Variants in ANXA1 observed in about 807,000 individuals in gnomAD.
ANXA1 encodes annexin I (lipocortin I).
A neutral mutation model predicts 47.9 loss-of-function variants in ANXA1; 39 were observed. The observed-to-expected ratio is 0.81, with a 90% confidence interval of 0.63 to 1.06. ANXA1 has a LOEUF of 1.06. ANXA1 is among the 50% of genes least tolerant of loss of function. The pLI is 0.00. For synonymous variants in ANXA1, 146 were observed against 142.5 expected (o/e 1.02, Z -0.17); for missense variants, 446 against 422.7 (o/e 1.06, Z -0.48).
intron 11 of ANXA1, 70 bp downstream of exon 11, chr9:73,167,625 T>A: frequency 7.1e-7 from 1 of 1,409,434 alleles, no homozygotes; most frequent in Non-Finnish European, 9.8e-7. Context: ...GAAAACCTCA[T>A]GTTGTTTGAA....
intron 1 of ANXA1, among the ~76,000 whole-genome samples, chr9:73,154,929 A>G (rs1824025050): frequency 6.6e-6 from 1 of 152,222 alleles, no homozygotes; most frequent in Admixed American, 6.5e-5. Context: ...TGATAGTTCT[A>G]GATTGTAACC....
intron 5 of ANXA1, 45 bp downstream of exon 5, chr9:73,160,421 AT>A: frequency 3.7e-6 from 5 of 1,341,156 alleles, no homozygotes; most frequent in Non-Finnish European, 5.1e-6. Flanking sequence ...AAGAGGATGT[AT>A]TGGGCAAGTC....
At chr9:73,167,631 T>C in intron 11 of ANXA1, 76 bp downstream of exon 11, 1 of 1,361,010 alleles carries the variant, frequency 7.3e-7, no homozygotes, top group South Asian at 1.3e-5. Context: ...CTCATGTTGT[T>C]TGAAAATCTC....
intron 5 of ANXA1, 42 bp downstream of exon 5, chr9:73,160,418 T>G: frequency 7.3e-7 from 1 of 1,371,880 alleles, no homozygotes; most frequent in Non-Finnish European, 9.9e-7. Context: ...CTCAAGAGGA[T>G]GTATTGGGCA....
chr9:73,161,348 G>T (rs1221731570), intron 6 of ANXA1, among the ~76,000 whole-genome samples: 1 of 151,982 alleles, frequency 6.6e-6, no homozygotes, highest in East Asian at 1.9e-4. Context: ...AAAGAATTAG[G>T]TGCTTATAAT....
rs142511024 is a variant in ANXA1, at chr9:73,158,773, G to A, written c.145G>A (p.Ala49Thr). Residue 49 changes from alanine (A) to threonine (T), a missense_variant, in exon 3 of 13, where the codon GCT becomes ACT. Ala to Thr is a moderately conservative substitution (Grantham distance 58). Transcript: ENST00000257497. ...TACCTTCAATCCATCCTCGGATGTC[G>A]CTGCCTTGCATAAGGCCATAATGGT... Reference protein sequence around the residue: ...YPTFNPSSDVAALHKAIMVKG... With the variant: ...YPTFNPSSDVTALHKAIMVKG... 6 of 1,613,610 alleles carry A rather than the reference G, an allele frequency of 3.7e-6. No homozygotes were observed. The highest frequency in any genetic ancestry group is 1.3e-5 in the African/African-American group (1 of 74,864).
At chr9:73,155,216 A>T (rs2795113) in intron 1 of ANXA1, among the ~76,000 whole-genome samples, 14,230 of 152,296 alleles carry the variant, frequency 0.093, 753 homozygotes, top group East Asian at 0.17. Flanking sequence ...ATAAATGGCC[A>T]ATTTCACCGT....
rs111402904 is a variant in ANXA1, at chr9:73,163,201, G to A, written c.556-275G>A. 5.3e-5 allele frequency among the ~76,000 whole-genome samples: 8 copies of A among 152,132 alleles called. No individual in the cohort carries two copies. In the East Asian group the frequency reaches 1.6e-3, roughly 30 times the overall value. On this transcript the variant is annotated intron_variant, in intron 7 of 12. Transcript: ENST00000257497. Reference sequence around the variant, plus strand: ...GAGCAAGAACTCATTCCCAGTGACGGCATTAATCTCTTCATGAGAGATCAG... The same window carrying A: ...GAGCAAGAACTCATTCCCAGTGACGACATTAATCTCTTCATGAGAGATCAG...
chr9:73,154,184 C>A lies in ANXA1; in HGVS notation c.-15+2260C>A, dbSNP rs1824011770. On this transcript the variant is annotated intron_variant, in intron 1 of 12. Transcript: ENST00000257497. ...TCATGCCATTGTGTAGTCTTAATTG[C>A]TTTCTCTCACCAGGGAAGGTGTGGG... 1.4e-5 allele frequency: 8 copies of A among 583,572 alleles called. No individual in the cohort carries two copies. In the South Asian group the frequency reaches 1.4e-4, roughly 10 times the overall value. 36.1% of individuals were successfully genotyped at this position (583,572 alleles called of 1,614,324 possible).
rs138602190 is a variant in ANXA1 at position 73,165,203 on chromosome 9, C to T, written c.700C>T (p.Arg234Cys). 6.2e-6 allele frequency: 10 copies of T among 1,611,796 alleles called. No homozygotes were observed. Among genetic ancestry groups the T allele is most frequent in the Admixed American group, 3.3e-5 (2 of 59,848 alleles). Residue 234 changes from arginine to cysteine, a missense_variant, in exon 9 of 13, where the codon CGC becomes TGC. Coordinates refer to ENST00000257497, the MANE Select transcript of ANXA1 (RefSeq NM_000700.3). ...ILTTRSYPQL[R>C]RVFQKYTKYS... ...TACCACCAGAAGCTATCCACAACTT[C>T]GCAGAGGTAACAATAAATTTCTTTT...
intron 10 of ANXA1, among the ~76,000 whole-genome samples, chr9:73,166,829 G>T (rs12342522): frequency 0.01 from 1,563 of 152,244 alleles, 31 homozygotes; most frequent in African/African-American, 0.035. Flanking sequence ...TGATGCCAAT[G>T]CTGTTGGTCC....
chr9:73,160,912 C>A lies in ANXA1; in HGVS notation c.475+19C>A, dbSNP rs766071933. ...AGAGAGGGTAAGTTGTAATGTCCAA[C>A]AGTCCAAACGCCTTATTTGAAAAGG... is the stretch of plus-strand genomic sequence containing the variant. On this transcript the variant is annotated intron_variant, in intron 6 of 12. Transcript: ENST00000257497. 2 of 1,494,182 alleles carry A rather than the reference C, an allele frequency of 1.3e-6. No homozygotes were observed. The highest frequency in any genetic ancestry group is 1.4e-5 in the African/African-American group (1 of 72,302). The allele number at this position is 1,494,182 out of a possible 1,614,324, so 92.6% of individuals were successfully genotyped here.
At position 73,159,482 on chromosome 9, in the gene ANXA1, A is replaced by G. The variant is rs1262991728; in HGVS notation, c.270+59A>G. On this transcript the variant is annotated intron_variant, in intron 4 of 12. Transcript: ENST00000257497. ...TCAGCATAGTTATACTTAACCATGG[A>G]TTCGGAAGCACAGTTACCTAGTTCT... 3.5e-6 allele frequency: 5 copies of G among 1,444,668 alleles called. No individual in the cohort carries two copies. The African/African-American group carries it at 7.0e-5, about 20-fold the overall frequency. The allele number at this position is 1,444,668 out of a possible 1,614,324, so 89.5% of individuals were successfully genotyped here.
intron 1 of ANXA1, among the ~76,000 whole-genome samples, chr9:73,155,080 G>A (rs774014192): frequency 2.6e-5 from 4 of 152,146 alleles, no homozygotes; most frequent in African/African-American, 4.8e-5. Flanking sequence ...AAATTGCTAC[G>A]CTTTAGAAAG....
intron 6 of ANXA1, among the ~76,000 whole-genome samples, chr9:73,161,160 C>T (rs534379385): frequency 1.3e-5 from 2 of 152,032 alleles, no homozygotes; most frequent in Non-Finnish European, 2.9e-5. Flanking sequence ...TGGCCACATA[C>T]GATTATAATG....
intron 11 of ANXA1, 121 bp from the exon 12 acceptor site, chr9:73,168,911 G>GTGTGTGTGTGTGTT: frequency 1.3e-6 from 1 of 754,074 alleles, no homozygotes; most frequent in Non-Finnish European, 2.1e-6. Context: ...GTGTGTGTGT[G>GTGTGTGTGTGTGTT]TATAGCTAGT....
At chr9:73,161,940 A>C (rs1390729501) in intron 6 of ANXA1, among the ~76,000 whole-genome samples, 1 of 152,198 alleles carries the variant, frequency 6.6e-6, no homozygotes, top group Non-Finnish European at 1.5e-5. Context: ...GTAATGTAAA[A>C]AGAAAGGAAA....
intron 6 of ANXA1, among the ~76,000 whole-genome samples, chr9:73,161,303 CT>C (rs1563962598): frequency 6.6e-6 from 1 of 152,016 alleles, no homozygotes; most frequent in Non-Finnish European, 1.5e-5. Flanking sequence ...AAAAAATCTC[CT>C]AACAAAATGT....
At chr9:73,168,700 A>T (rs1172647226) in intron 11 of ANXA1, 1 of 165,250 alleles carries the variant, frequency 6.1e-6, no homozygotes, top group East Asian at 1.7e-4. Flanking sequence ...GATCACTGAC[A>T]GTGTTTTAAA....
Sources: gnomAD v4.1 joint callset for allele counts (sites outside exome capture counted in the v4.1 genomes callset) on GRCh38, gnomAD v4.1.1 for gene constraint, MANE v1.5 for transcripts, NCBI Gene and HGNC (gene_info 2026-07-23, HGNC 2026-07-21) for gene names.